The following KCNN2 variants were observed in gnomAD, a reference collection of about 807,000 sequenced individuals.
KCNN2 encodes potassium calcium-activated channel subfamily N member 2.
A neutral mutation model predicts 55.5 loss-of-function variants in KCNN2; 24 were observed. The observed-to-expected ratio is 0.43, with a 90% CI of 0.31 to 0.61. The LOEUF is 0.61. Ranked by LOEUF, KCNN2 falls within the 20% of genes least tolerant of loss-of-function variation. The pLI, the probability that KCNN2 is intolerant of heterozygous loss-of-function variation, is 0.08. For synonymous variants in KCNN2, 431 were observed against 336.1 expected, an observed-to-expected ratio of 1.28 and a Z score of -3.09; for missense variants, 754 against 853.6, an observed-to-expected ratio of 0.88 and a Z score of 1.45.
At chr5:114,170,667 A>T (rs1448909167) in intron 1 of KCNN2, among the ~76,000 whole-genome samples, 3 of 152,054 alleles carry the variant, frequency 2.0e-5, no homozygotes, top group African/African-American at 7.2e-5. Context: ...TCGTCTCTCA[A>T]TTGATAGCCT....
chr5:114,439,573 G>A (rs972143819), intron 3 of KCNN2, among the ~76,000 whole-genome samples: 8 of 152,144 alleles, frequency 5.3e-5, no homozygotes, highest in African/African-American at 1.9e-4. Flanking sequence ...CTGGTCTTGG[G>A]TTGTGGCCCA....
intron 2 of KCNN2, among the ~76,000 whole-genome samples, chr5:114,233,922 A>T (rs915342341): frequency 7.9e-5 from 12 of 151,758 alleles, no homozygotes; most frequent in African/African-American, 2.9e-4. Flanking sequence ...GAGTTCTGAG[A>T]TGACACTTGA....
At chr5:114,281,108 C>T (rs538928146) in intron 2 of KCNN2, among the ~76,000 whole-genome samples, 3 of 152,258 alleles carry the variant, frequency 2.0e-5, no homozygotes, top group South Asian at 4.1e-4. Context: ...TGTACCTCAT[C>T]CATTGCTCTT....
intron 2 of KCNN2, among the ~76,000 whole-genome samples, chr5:114,305,681 C>CA (rs992682818): frequency 6.6e-6 from 1 of 152,158 alleles, no homozygotes; most frequent in Non-Finnish European, 1.5e-5. Context: ...CACATACATA[C>CA]ACACACACTC....
upstream of KCNN2, among the ~76,000 whole-genome samples, chr5:114,357,532 G>A (rs1413762142): frequency 1.6e-5 from 2 of 127,870 alleles, no homozygotes; most frequent in African/African-American, 3.0e-5. Context: ...TCCCACCTAT[G>A]AGTGAGAATA....
chr5:114,294,143 G>A (rs1403235066), intron 2 of KCNN2, among the ~76,000 whole-genome samples: 1 of 151,980 alleles, frequency 6.6e-6, no homozygotes, highest in African/African-American at 2.4e-5. Flanking sequence ...CAAAAAAACA[G>A]CTCCTGGATG....
At chr5:114,159,344 G>A (rs1256741971) in intron 1 of KCNN2, among the ~76,000 whole-genome samples, 2 of 152,156 alleles carry the variant, frequency 1.3e-5, no homozygotes, top group African/African-American at 4.8e-5. Context: ...TGCATCCCAG[G>A]GATGAAGCCC....
chr5:114,475,577 A>G (rs1335588603), intron 5 of KCNN2, among the ~76,000 whole-genome samples: 2 of 151,806 alleles, frequency 1.3e-5, no homozygotes, highest in Non-Finnish European at 3.0e-5. Context: ...TTGTCATGCT[A>G]TGTTAACTGT....
intron 2 of KCNN2, among the ~76,000 whole-genome samples, chr5:114,293,541 C>G (rs1290074598): frequency 6.6e-6 from 1 of 152,132 alleles, no homozygotes; most frequent in Non-Finnish European, 1.5e-5. Context: ...AGGGATGACG[C>G]CCACTTGATC....
chr5:114,215,949 G>A (rs1190550033), intron 1 of KCNN2, among the ~76,000 whole-genome samples: 1 of 152,034 alleles, frequency 6.6e-6, no homozygotes, highest in South Asian at 2.1e-4. Flanking sequence ...TAATGAACTA[G>A]CCGATTACCC....
At chr5:114,399,561 T>C (rs540067562) in intron 2 of KCNN2, among the ~76,000 whole-genome samples, 1 of 152,176 alleles carries the variant, frequency 6.6e-6, no homozygotes, top group South Asian at 2.1e-4. Context: ...GAAGTTTTAT[T>C]TTTTTGTTGT....
chr5:114,373,439 T>G (rs1013280587), intron 2 of KCNN2, among the ~76,000 whole-genome samples: 1 of 151,206 alleles, frequency 6.6e-6, no homozygotes, highest in South Asian at 2.1e-4. Context: ...TAAACTTTCC[T>G]GCTGAGCAGA....
intron 2 of KCNN2, among the ~76,000 whole-genome samples, chr5:114,382,233 G>A (rs1015881551): frequency 3.9e-5 from 6 of 152,212 alleles, no homozygotes; most frequent in African/African-American, 9.6e-5. Context: ...TTCAAGAGCT[G>A]TTAAAATGGG....
At chr5:114,114,918 G>C (rs937815113) in intron 1 of KCNN2, among the ~76,000 whole-genome samples, 2 of 152,082 alleles carry the variant, frequency 1.3e-5, no homozygotes, top group Non-Finnish European at 2.9e-5. Flanking sequence ...TCAATTCTAT[G>C]ACTTCTCAGG....
intron 1 of KCNN2, among the ~76,000 whole-genome samples, chr5:114,201,638 G>A (rs535315290): frequency 6.6e-6 from 1 of 152,222 alleles, no homozygotes; most frequent in East Asian, 1.9e-4. Flanking sequence ...TCATCATGAG[G>A]GCACAGTGCA....
chr5:114,449,001 G>A (rs1018495930), intron 3 of KCNN2, among the ~76,000 whole-genome samples: 8 of 152,034 alleles, frequency 5.3e-5, no homozygotes, highest in African/African-American at 9.7e-5. Flanking sequence ...GTCCTCCCTC[G>A]GCCTGCCACC....
chr5:114,479,063 T>TTAAA (rs1324135653), intron 5 of KCNN2, among the ~76,000 whole-genome samples: 4 of 151,896 alleles, frequency 2.6e-5, no homozygotes, highest in African/African-American at 9.7e-5. Context: ...AACCTTAAAT[T>TTAAA]TAAATAGGCT....
chr5:114,416,992 C>T (rs1759325927), intron 3 of KCNN2, among the ~76,000 whole-genome samples: 1 of 152,172 alleles, frequency 6.6e-6, no homozygotes, highest in Non-Finnish European at 1.5e-5. Context: ...TAATTATAAA[C>T]TCCTGTTTTT....
At chr5:114,144,735 A>T (rs2112509640) in intron 1 of KCNN2, among the ~76,000 whole-genome samples, 1 of 151,372 alleles carries the variant, frequency 6.6e-6, no homozygotes, top group African/African-American at 2.4e-5. Flanking sequence ...GGTTTAACAC[A>T]ACTTTTAAGT....
Sources: gnomAD v4.1 joint callset for allele counts (sites outside exome capture counted in the v4.1 genomes callset) on GRCh38, gnomAD v4.1.1 for gene constraint, MANE v1.5 for transcripts, NCBI Gene and HGNC (gene_info 2026-07-23, HGNC 2026-07-21) for gene names.